The following ZFYVE28 variants were observed in gnomAD, a reference collection of about 807,000 sequenced individuals.
ZFYVE28 encodes the protein lateral signaling target protein 2 homolog.
A neutral mutation model predicts 82.1 loss-of-function variants in ZFYVE28; 40 were observed. That is an observed-to-expected ratio of 0.49 (90% CI 0.38 to 0.63). ZFYVE28 has a LOEUF of 0.63. Ranked by LOEUF, ZFYVE28 falls within the 30% of genes least tolerant of loss-of-function variation. ZFYVE28 has a pLI of 0.00. For missense variants in ZFYVE28, 1,321 were observed against 1,242.1 expected, an observed-to-expected ratio of 1.06 and a Z score of -0.96; for synonymous variants, 612 against 546.1, an observed-to-expected ratio of 1.12 and a Z score of -1.68.
intron 1 of ZFYVE28, among the ~76,000 whole-genome samples, chr4:2,392,045 T>G (rs559637678): frequency 6.6e-6 from 1 of 151,262 alleles, no homozygotes; most frequent in East Asian, 2.0e-4. Flanking sequence ...TCCTGACTAC[T>G]AGGGAGGCTG....
At chr4:2,312,785 C>T (rs1717672347) in intron 7 of ZFYVE28, among the ~76,000 whole-genome samples, 1 of 149,460 alleles carries the variant, frequency 6.7e-6, no homozygotes, top group Non-Finnish European at 1.5e-5. Flanking sequence ...TGGCTCACAC[C>T]TATAATCCCG....
intron 7 of ZFYVE28, among the ~76,000 whole-genome samples, chr4:2,309,643 C>A (rs1320604306): frequency 2.0e-5 from 3 of 151,968 alleles, no homozygotes; most frequent in African/African-American, 7.3e-5. Flanking sequence ...TCTATTTTTG[C>A]CTTATTGCAC....
rs1371289030 is a variant in ZFYVE28, at chr4:2,337,411, C to T, written c.607G>A (p.Glu203Lys). 3.1e-6 allele frequency: 5 copies of T among 1,603,570 alleles called. No homozygotes were observed. Among genetic ancestry groups the T allele is most frequent in the Non-Finnish European group, 4.3e-6 (5 of 1,174,542 alleles). ...CCTAAGCATCCCTGTGCTCACCTCT[C>T]CACCGTCTCGCAGAAGAGCACGATG... ...EVIVLFCETV[E>K]RALDFGYLTQ... Residue 203 changes from glutamate (E) to lysine (K), a missense_variant, in exon 5 of 13, where the codon GAG (glutamate) becomes AAG (lysine). Physicochemically the swap from Glu to Lys is moderately conservative, Grantham distance 56. Around this residue, in one of 2 missense-constraint regions of ZFYVE28, gnomAD observed 343 missense variants for 408.4 expected, o/e 0.84. Coordinates refer to ENST00000290974, the MANE Select transcript of ZFYVE28 (RefSeq NM_020972.3).
In ZFYVE28 at chr4:2,408,899, A is replaced by C; in HGVS notation, c.39+9386T>G. Among the ~76,000 whole-genome samples, 1 of 152,206 alleles carries C rather than the reference A, an allele frequency of 6.6e-6. No homozygotes were observed. The highest frequency in any genetic ancestry group is 3.2e-3 in the Middle Eastern group (1 of 316). On this transcript the variant is annotated intron_variant, in intron 1 of 12. Coordinates refer to ENST00000290974, the MANE Select transcript of ZFYVE28 (RefSeq NM_020972.3). This position sits in a 1 kb window ranked among gnomAD's most constrained non-coding sequence, Gnocchi z 4.3. The stretch of plus-strand genomic sequence containing the variant: ...AGCTCTCAGTTCCCGGCGGTTTCTA[A>C]GTGGACCTTCCCATGCACTCAGCTT...
At chr4:2,400,649 C>T (rs535768742) in intron 1 of ZFYVE28, among the ~76,000 whole-genome samples, 1 of 152,222 alleles carries the variant, frequency 6.6e-6, no homozygotes, top group African/African-American at 2.4e-5. Flanking sequence ...CAAGGAGAGC[C>T]GAGTCCCAAA....
intron 1 of ZFYVE28, among the ~76,000 whole-genome samples, chr4:2,360,170 C>T (rs1033658778): frequency 4.6e-5 from 7 of 151,994 alleles, no homozygotes; most frequent in Non-Finnish European, 8.8e-5. Context: ...CCATTGCCCC[C>T]GAGAACAGGG....
At chr4:2,387,519 G>A (rs756961280) in intron 1 of ZFYVE28, among the ~76,000 whole-genome samples, 4 of 152,222 alleles carry the variant, frequency 2.6e-5, no homozygotes, top group African/African-American at 4.8e-5. Flanking sequence ...CTGCGGACAC[G>A]GGATATGGGG....
At chr4:2,328,983 T>C (rs1303790499) in intron 6 of ZFYVE28, 4 of 601,590 alleles carry the variant, frequency 6.6e-6, no homozygotes, top group Non-Finnish European at 1.2e-5. Flanking sequence ...CATTGGTCTA[T>C]ACATCTATCT....
intron 7 of ZFYVE28, among the ~76,000 whole-genome samples, chr4:2,318,082 A>C (rs951545234): frequency 2.6e-5 from 4 of 152,088 alleles, no homozygotes; most frequent in Admixed American, 1.3e-4. Flanking sequence ...GCCCTTGATT[A>C]GATGTTCTTT....
chr4:2,274,603 A>G (rs1001118608), intron 8 of ZFYVE28, among the ~76,000 whole-genome samples: 1 of 152,038 alleles, frequency 6.6e-6, no homozygotes, highest in African/African-American at 2.4e-5. Flanking sequence ...GCAGCCCCCA[A>G]AAATATCTCT....
At chr4:2,298,986 C>G (rs1274698972) in intron 8 of ZFYVE28, among the ~76,000 whole-genome samples, 6 of 152,172 alleles carry the variant, frequency 3.9e-5, no homozygotes, top group Non-Finnish European at 7.3e-5. Context: ...TCGCACCACA[C>G]GCGATCAACC....
chr4:2,406,987 C>A (rs542686848), intron 1 of ZFYVE28, among the ~76,000 whole-genome samples: 3 of 152,188 alleles, frequency 2.0e-5, no homozygotes, highest in Admixed American at 6.5e-5. Context: ...CATCAAAGAC[C>A]TCAGTGCCAG....
chr4:2,390,030 G>C (rs1306039373), intron 1 of ZFYVE28, among the ~76,000 whole-genome samples: 5 of 152,230 alleles, frequency 3.3e-5, no homozygotes, highest in Admixed American at 3.3e-4. Flanking sequence ...TTGTGAATGT[G>C]ACCATATGTG....
chr4:2,314,106 G>C (rs148453217), intron 7 of ZFYVE28, among the ~76,000 whole-genome samples: 3 of 152,244 alleles, frequency 2.0e-5, no homozygotes, highest in Middle Eastern at 3.4e-3. Context: ...ATACAGATTT[G>C]GGATTGTGAC....
At chr4:2,412,031 T>C (rs941716817) in intron 1 of ZFYVE28, among the ~76,000 whole-genome samples, 2 of 152,154 alleles carry the variant, frequency 1.3e-5, no homozygotes, top group African/African-American at 4.8e-5. Context: ...AGTGAGCACA[T>C]GGCAGCATCT....
intron 1 of ZFYVE28, among the ~76,000 whole-genome samples, chr4:2,371,219 C>T (rs986722251): frequency 6.6e-6 from 1 of 152,238 alleles, no homozygotes; most frequent in African/African-American, 2.4e-5. Flanking sequence ...CACATGGACT[C>T]AGCCAGCACC....
chr4:2,321,141 C>T lies in ZFYVE28; in HGVS notation c.702-870G>A, dbSNP rs6824110. Among the ~76,000 whole-genome samples, 348 of 152,216 alleles carry T rather than the reference C, an allele frequency of 2.3e-3. 3 individuals carry two copies. The highest frequency in any genetic ancestry group is 7.8e-3 in the African/African-American group (322 of 41,538). ...CAGGTGCCTGGGGAGCATCCACCCA[C>T]GAATTCGTCCCCTGTCCCTCATCAT... is the stretch of plus-strand genomic sequence containing the variant. On this transcript the variant is annotated intron_variant, in intron 6 of 12. Transcript: ENST00000290974.
rs1047656709 is a variant in ZFYVE28, at chr4:2,416,467, A to C, written c.39+1818T>G. On this transcript the variant is annotated intron_variant, in intron 1 of 12. Coordinates refer to ENST00000290974, the MANE Select transcript of ZFYVE28 (RefSeq NM_020972.3). The surrounding 1 kb of genome is among the most constrained non-coding windows in gnomAD (Gnocchi z 4.6). ...CTCCAGCTGCCTCCCGCCATTTGTC[A>C]CAGAAAATAATGCTGCTGCACGCCC... Among the ~76,000 whole-genome samples, 5 of 152,188 alleles carry C rather than the reference A, an allele frequency of 3.3e-5. No homozygotes were observed. The highest frequency in any genetic ancestry group is 1.2e-4 in the African/African-American group (5 of 41,446).
intron 8 of ZFYVE28, among the ~76,000 whole-genome samples, chr4:2,298,864 G>C (rs572959165): frequency 2.0e-5 from 3 of 152,154 alleles, no homozygotes; most frequent in Non-Finnish European, 4.4e-5. Context: ...GCTGGTTCCA[G>C]CCTCCTCCCG....
Sources: allele counts gnomAD v4.1 joint callset (sites outside exome capture counted in the v4.1 genomes callset), GRCh38; gene constraint gnomAD v4.1.1; regional missense constraint gnomAD v4.1.1; non-coding constraint Gnocchi (gnomAD v3.1); transcripts MANE v1.5; gene names NCBI Gene and HGNC (gene_info 2026-07-23, HGNC 2026-07-21).